KATNAL2: variants seen among roughly 807,000 people sequenced by gnomAD.
KATNAL2 encodes the protein katanin p60 ATPase-containing subunit A-like 2.
Under a neutral mutation model 76.3 loss-of-function variants are expected in KATNAL2, and 52 were observed. The observed-to-expected ratio is 0.68, with a 90% confidence interval of 0.55 to 0.86. The LOEUF (loss-of-function observed/expected upper bound fraction) is 0.86. Ranked by LOEUF, KATNAL2 falls within the 40% of genes least tolerant of loss-of-function variation. The pLI, the probability that KATNAL2 is intolerant of heterozygous loss-of-function variation, is 0.00. For missense variants in KATNAL2, 660 were observed against 668.9 expected (o/e 0.99, Z 0.15); for synonymous variants, 243 against 244.2 (o/e 1.00, Z 0.05).
intron 3 of KATNAL2, among the ~76,000 whole-genome samples, chr18:46,965,581 G>GCCGCC (rs2060096610): frequency 2.7e-5 from 2 of 73,872 alleles, no homozygotes; most frequent in Non-Finnish European, 2.9e-5. Flanking sequence ...TAGCATCCCC[G>GCCGCC]CCCCCCCCCC....
intron 3 of KATNAL2, among the ~76,000 whole-genome samples, chr18:47,039,347 G>T (rs989981451): frequency 1.3e-5 from 2 of 151,966 alleles, no homozygotes; most frequent in Admixed American, 6.6e-5. Flanking sequence ...CTTTTCATTA[G>T]CCCAAAGAGA....
chr18:47,072,499 G>A (rs2062042313), intron 13 of KATNAL2, among the ~76,000 whole-genome samples: 1 of 152,202 alleles, frequency 6.6e-6, no homozygotes, highest in African/African-American at 2.4e-5. Flanking sequence ...AGGCCAAAGT[G>A]CAGTGGCACT....
rs1357223981 is a variant in KATNAL2 at position 47,069,405 on chromosome 18, G to A, written c.890-77G>A. The A allele has an allele frequency of 2.9e-6, 4 of 1,385,424 alleles. No individual in the cohort carries two copies. In the Admixed American group the frequency reaches 5.5e-5, roughly 19 times the overall value. 85.8% of individuals were successfully genotyped at this position (1,385,424 alleles called of 1,614,324 possible). A position where few individuals can be genotyped will look rare whatever the true frequency, so the allele number is the denominator to read the frequency against. On this transcript the variant is annotated intron_variant, in intron 12 of 17. Transcript: ENST00000683218. ...GCTGAGCAGTCACTTCCTTCCTTGT[G>A]TGTGAGACTGACTTCTGTCTATAAG...
intron 13 of KATNAL2, among the ~76,000 whole-genome samples, chr18:47,073,046 G>A (rs984909525): frequency 2.2e-4 from 34 of 152,022 alleles, no homozygotes; most frequent in Admixed American, 7.2e-4. Flanking sequence ...AAGTAGAATC[G>A]CCAAGTCAGA....
chr18:47,040,587 A>G (rs1413178616), intron 3 of KATNAL2, among the ~76,000 whole-genome samples: 1 of 152,200 alleles, frequency 6.6e-6, no homozygotes, highest in Non-Finnish European at 1.5e-5. Context: ...ATAAAATATT[A>G]TTTCTAAAAA....
chr18:47,071,672 G>A (rs967004688), intron 13 of KATNAL2, among the ~76,000 whole-genome samples: 4 of 151,962 alleles, frequency 2.6e-5, no homozygotes, highest in Non-Finnish European at 5.9e-5. Context: ...CTTGAGACAG[G>A]ACTTACCTAG....
intron 1 of KATNAL2, among the ~76,000 whole-genome samples, chr18:46,944,335 T>C (rs1173951727): frequency 6.6e-6 from 1 of 152,142 alleles, no homozygotes; most frequent in East Asian, 1.9e-4. Context: ...AAATAAGTAG[T>C]ACAACAATAA....
At chr18:47,082,526 CAT>C (rs764458077) in intron 15 of KATNAL2, among the ~76,000 whole-genome samples, 97 of 152,274 alleles carry the variant, frequency 6.4e-4, no homozygotes, top group East Asian at 1.2e-3. Context: ...TTTTCTTACA[CAT>C]AGTTTATTAC....
chr18:47,100,386 C>G, intron 17 of KATNAL2, 30 bp downstream of exon 17: 1 of 1,568,490 alleles, frequency 6.4e-7, no homozygotes, highest in South Asian at 1.1e-5. Context: ...GAAGGTGTTC[C>G]AGGAATTTGT....
chr18:46,933,646 T>C (rs566975704), intron 1 of KATNAL2, among the ~76,000 whole-genome samples: 1 of 152,162 alleles, frequency 6.6e-6, no homozygotes, highest in East Asian at 1.9e-4. Flanking sequence ...TTTAAAATTT[T>C]ATTATTATTA....
At chr18:47,071,246 C>T (rs1396466854) in intron 13 of KATNAL2, among the ~76,000 whole-genome samples, 2 of 152,140 alleles carry the variant, frequency 1.3e-5, no homozygotes, top group African/African-American at 2.4e-5. Flanking sequence ...GCAATCCTCC[C>T]GCCTCGGGCT....
chr18:47,042,183 C>T lies in KATNAL2; in HGVS notation c.52-4274C>T, dbSNP rs189738928. 2.7e-3 allele frequency among the ~76,000 whole-genome samples: 406 copies of T among 152,170 alleles called. 2 individuals carry two copies. Among genetic ancestry groups the T allele is most frequent in the Non-Finnish European group, 2.9e-3 (200 of 68,012 alleles). Reference sequence around the variant, plus strand: ...TTTTATGTCATCTATTTTATAGGTTCGAGGATTATATTTTTAAATCTCTTT... The same window carrying T: ...TTTTATGTCATCTATTTTATAGGTTTGAGGATTATATTTTTAAATCTCTTT... On this transcript the variant is annotated intron_variant, in intron 3 of 17. Coordinates refer to ENST00000683218, the MANE Select transcript of KATNAL2 (RefSeq NM_001387690.1).
At chr18:46,949,412 G>C (rs545360132) in intron 3 of KATNAL2, among the ~76,000 whole-genome samples, 1 of 152,044 alleles carries the variant, frequency 6.6e-6, no homozygotes, top group African/African-American at 2.4e-5. Flanking sequence ...ACCATCACAC[G>C]TGGTTAAATT....
At chr18:47,042,378 C>T (rs1645665235) in intron 3 of KATNAL2, among the ~76,000 whole-genome samples, 2 of 152,114 alleles carry the variant, frequency 1.3e-5, no homozygotes, top group African/African-American at 4.8e-5. Context: ...TGTTTTCTAG[C>T]ACTCTGAATA....
chr18:47,058,426 T>C, intron 7 of KATNAL2, 74 bp downstream of exon 7: 1 of 868,882 alleles, frequency 1.2e-6, no homozygotes, highest in East Asian at 2.5e-5. Flanking sequence ...AGGTCACATT[T>C]ATTTATTTTT....
At position 47,069,458 on chromosome 18, in the gene KATNAL2, C is replaced by G. The variant is rs377005825; in HGVS notation, c.890-24C>G. The G allele has an allele frequency of 1.7e-5, 26 of 1,553,646 alleles. No individual in the cohort carries two copies. In the African/African-American group the frequency reaches 3.3e-4, roughly 20 times the overall value. ...GGGGGATGGAGTTGAAATGCCTGCT[C>G]ATCTTTTATGTGTTTCTCTTTAGGT... On this transcript the variant is annotated intron_variant, in intron 12 of 17. Coordinates refer to ENST00000683218, the MANE Select transcript of KATNAL2 (RefSeq NM_001387690.1).
intron 3 of KATNAL2, among the ~76,000 whole-genome samples, chr18:46,959,074 G>A (rs1599470399): frequency 1.3e-5 from 2 of 152,174 alleles, no homozygotes; most frequent in Admixed American, 1.3e-4. Context: ...CCTAAAAAAA[G>A]AGTAATTGAA....
chr18:46,960,342 T>A (rs1468446038), intron 3 of KATNAL2, among the ~76,000 whole-genome samples: 3 of 151,866 alleles, frequency 2.0e-5, no homozygotes, highest in Non-Finnish European at 4.4e-5. Flanking sequence ...GGGAGGCTAA[T>A]TGCTTGAACT....
At chr18:46,931,581 A>G (rs1354196012) in intron 1 of KATNAL2, among the ~76,000 whole-genome samples, 1 of 152,086 alleles carries the variant, frequency 6.6e-6, no homozygotes. Context: ...TGAATTCAGG[A>G]GGCGGAGGTT....
Sources: allele counts gnomAD v4.1 joint callset (sites outside exome capture counted in the v4.1 genomes callset), GRCh38; gene constraint gnomAD v4.1.1; transcripts MANE v1.5; gene names NCBI Gene and HGNC (gene_info 2026-07-23, HGNC 2026-07-21).